The following TMEM255A variants were observed in gnomAD, a reference collection of about 807,000 sequenced individuals.
TMEM255A encodes transmembrane protein 255A, also known as family with sequence similarity 70, member A.
Under a neutral mutation model 23.5 loss-of-function variants are expected in TMEM255A, and 14 were observed. The ratio of observed to expected loss-of-function variants is 0.60; its 90% CI spans 0.39 to 0.93. TMEM255A has a LOEUF of 0.93. Ranked by LOEUF, TMEM255A falls within the 40% of genes least tolerant of loss-of-function variation. The probability of loss-of-function intolerance (pLI) is 0.00; values close to 1 mark genes in which losing one functional copy is unlikely to be tolerated. For synonymous variants in TMEM255A, 104 were observed against 100.3 expected (o/e 1.04, Z -0.22); for missense variants, 233 against 261.7 (o/e 0.89, Z 0.76).
chrX:120,291,179 C>A lies in TMEM255A; in HGVS notation c.354+72G>T, dbSNP rs1420119942. The A allele has an allele frequency of 6.1e-6, 5 of 822,277 alleles. No individual in the cohort carries two copies. In the Admixed American group the frequency reaches 7.6e-5, roughly 12 times the overall value. The allele number at this position is 822,277 out of a possible 1,213,427, so 67.8% of individuals were successfully genotyped here. A position where few individuals can be genotyped will look rare whatever the true frequency, so the allele number is the denominator to read the frequency against. On this transcript the variant is annotated intron_variant, in intron 4 of 8. Coordinates refer to ENST00000371369, the MANE Select transcript of TMEM255A (RefSeq NM_001104544.3). ...TCATGACACTAAGCAAAGGACTGAA[C>A]ATCGAGCACACATTCAGTGGGGCCT...
intron 1 of TMEM255A, among the ~76,000 whole-genome samples, chrX:120,310,506 TG>T (rs2058092189): frequency 8.9e-6 from 1 of 111,815 alleles, no homozygotes; most frequent in South Asian, 3.7e-4. Flanking sequence ...GGGCTCGCGC[TG>T]GATGTTTCTT....
At chrX:120,303,807 AT>A (rs1296025147) in intron 2 of TMEM255A, among the ~76,000 whole-genome samples, 1 of 111,525 alleles carries the variant, frequency 9.0e-6, no homozygotes, top group Non-Finnish European at 1.9e-5. Flanking sequence ...TTTTTATCTA[AT>A]TTTTGAATGT....
intron 6 of TMEM255A, among the ~76,000 whole-genome samples, chrX:120,280,926 T>C (rs1298876089): frequency 8.9e-6 from 1 of 112,426 alleles, no homozygotes; most frequent in African/African-American, 3.2e-5. Context: ...GCTTCAATAG[T>C]GCCTTCTTCA....
intron 6 of TMEM255A, among the ~76,000 whole-genome samples, chrX:120,281,269 G>A (rs782712751): frequency 7.1e-5 from 8 of 112,156 alleles, no homozygotes; most frequent in Non-Finnish European, 1.3e-4. Flanking sequence ...ACTAATCACT[G>A]TATTGATCAT....
Position 120,260,183 on chromosome X carries a change from G to A in TMEM255A, c.*687C>T. 1 of 747,879 alleles carries A rather than the reference G, an allele frequency of 1.3e-6. No homozygotes were observed. The highest frequency in any genetic ancestry group is 1.6e-6 in the Non-Finnish European group (1 of 633,146). The allele number at this position is 747,879 out of a possible 1,213,427, so 61.6% of individuals were successfully genotyped here. ...ATCTCACATGTTGCTGTGTATTTCA[G>A]TGTTTCCGGAACAATACATCCTGTT... On this transcript the variant is annotated 3_prime_UTR_variant, in exon 9 of 9. Coordinates refer to ENST00000371369, the MANE Select transcript of TMEM255A (RefSeq NM_001104544.3).
intron 2 of TMEM255A, among the ~76,000 whole-genome samples, chrX:120,297,136 A>G (rs1556024958): frequency 2.3e-5 from 1 of 44,133 alleles, no homozygotes; most frequent in East Asian, 7.0e-4. Context: ...ATATAATATT[A>G]TATATATTAT....
Position 120,291,347 on chromosome X carries a change from G to T in TMEM255A, c.265-7C>A. On this transcript the variant is annotated splice_polypyrimidine_tract_variant and splice_region_variant and intron_variant, in intron 3 of 8. Coordinates refer to ENST00000371369, the MANE Select transcript of TMEM255A (RefSeq NM_001104544.3). ...ACACGATAGAAGCCACCAGCTGTAG[G>T]GGGGAATAAAACAAAAGCGTCTGTT... 8.3e-7 allele frequency: 1 copy of T among 1,199,051 alleles called. No individual in the cohort carries two copies. Among genetic ancestry groups the T allele is most frequent in the Non-Finnish European group, 1.1e-6 (1 of 886,853 alleles).
At chrX:120,292,685 G>A (rs1310282310) in intron 3 of TMEM255A, among the ~76,000 whole-genome samples, 1 of 108,845 alleles carries the variant, frequency 9.2e-6, no homozygotes, top group Non-Finnish European at 1.9e-5. Flanking sequence ...GCTTGAACCC[G>A]GGAGACAGAG....
chrX:120,252,598 G>A, the TMEM255A span: 1 of 111,779 alleles, frequency 8.9e-6, no homozygotes, highest in African/African-American at 3.3e-5. Flanking sequence ...AAAATGTTTC[G>A]TGTTTTCTTG....
intron 7 of TMEM255A, among the ~76,000 whole-genome samples, chrX:120,270,903 T>C (rs2057754919): frequency 9.0e-6 from 1 of 111,658 alleles, no homozygotes; most frequent in Admixed American, 9.4e-5. Context: ...TAGGCTCACC[T>C]GAATGATGTT....
chrX:120,271,255 TAGTC>T (rs1157156520), intron 7 of TMEM255A, among the ~76,000 whole-genome samples: 2 of 112,025 alleles, frequency 1.8e-5, no homozygotes, highest in African/African-American at 6.5e-5. Context: ...ACCCAAATGT[TAGTC>T]AGGGGCAGCT....
intron 6 of TMEM255A, among the ~76,000 whole-genome samples, chrX:120,279,422 G>A (rs984573000): frequency 5.3e-5 from 6 of 112,421 alleles, no homozygotes; most frequent in South Asian, 3.7e-4. Context: ...AGGGCAGGGA[G>A]GATGCACAGA....
intron 2 of TMEM255A, among the ~76,000 whole-genome samples, chrX:120,297,952 C>T (rs2058008224): frequency 1.8e-5 from 2 of 111,353 alleles, no homozygotes; most frequent in African/African-American, 6.5e-5. Context: ...ATTGCTTGCT[C>T]CCCTGAGACC....
intron 8 of TMEM255A, among the ~76,000 whole-genome samples, chrX:120,263,405 C>G (rs530827754): frequency 8.9e-6 from 1 of 112,299 alleles, no homozygotes; most frequent in South Asian, 3.7e-4. Flanking sequence ...GGGTGGCCAA[C>G]AGGCTGATGG....
At chrX:120,284,793 C>T (rs782472606) in intron 6 of TMEM255A, among the ~76,000 whole-genome samples, 25 of 111,071 alleles carry the variant, frequency 2.3e-4, no homozygotes, top group African/African-American at 8.2e-4. Context: ...TGGATATAGA[C>T]AGAGCTGAGT....
At chrX:120,296,846 A>G (rs1421542807) in intron 2 of TMEM255A, among the ~76,000 whole-genome samples, 2 of 19,093 alleles carry the variant, frequency 1.0e-4, no homozygotes, top group African/African-American at 6.1e-4. Context: ...TATAATATAT[A>G]TCATATATAA....
At chrX:120,279,745 C>T (rs1235459481) in intron 6 of TMEM255A, among the ~76,000 whole-genome samples, 1 of 111,631 alleles carries the variant, frequency 9.0e-6, no homozygotes, top group Non-Finnish European at 1.9e-5. Flanking sequence ...ACTTACTTTA[C>T]TTAACTTCTC....
intron 2 of TMEM255A, among the ~76,000 whole-genome samples, chrX:120,299,317 A>AT (rs1413219871): frequency 4.5e-5 from 5 of 110,186 alleles, no homozygotes; most frequent in African/African-American, 1.3e-4. Flanking sequence ...CTAATTCTTA[A>AT]TTTTTTTATA....
chrX:120,300,549 G>A (rs1260169390), intron 2 of TMEM255A, among the ~76,000 whole-genome samples: 2 of 90,415 alleles, frequency 2.2e-5, no homozygotes, highest in Non-Finnish European at 4.1e-5. Context: ...CACAGGGCCA[G>A]GCTAATTTTT....
Sources: gnomAD v4.1 joint callset for allele counts (sites outside exome capture counted in the v4.1 genomes callset) on GRCh38, gnomAD v4.1.1 for gene constraint, MANE v1.5 for transcripts, NCBI Gene and HGNC (gene_info 2026-07-23, HGNC 2026-07-21) for gene names.